The following TAFA2 variants were observed in gnomAD, a reference collection of about 807,000 sequenced individuals.
The protein encoded by TAFA2 is TAFA chemokine like family member 2, also known as chemokine-like protein TAFA-2.
In TAFA2, 7 loss-of-function variants were observed where a neutral mutation model predicts 18.8. The observed-to-expected ratio is 0.37, with a 90% CI of 0.21 to 0.70. The LOEUF is 0.70. Among genes scored for constraint, TAFA2 ranks in the 30% least tolerant of loss-of-function variants. The pLI is 0.53. For missense variants in TAFA2, 122 were observed against 158.1 expected (o/e 0.77, Z 1.23); for synonymous variants, 60 against 54.2 (o/e 1.11, Z -0.47).
At chr12:61,890,769 C>T (rs551810319) in intron 1 of TAFA2, among the ~76,000 whole-genome samples, 2 of 152,256 alleles carry the variant, frequency 1.3e-5, no homozygotes, top group East Asian at 1.9e-4. Flanking sequence ...CAGACTTCTC[C>T]CCGGGGACAG....
In TAFA2 at chr12:61,710,153, C is replaced by A; in HGVS notation, c.*253G>T. ...TCTTCACCAGCTCCTCAGACAGTGA[C>A]TTCAAATTCTTTTAACAATTTACAA... On this transcript the variant is annotated 3_prime_UTR_variant, in exon 5 of 5. Transcript: ENST00000416284. The A allele has an allele frequency of 2.2e-6, 1 of 455,910 alleles. No individual in the cohort carries two copies. The highest frequency in any genetic ancestry group is 4.1e-5 in the South Asian group (1 of 24,128). The allele number at this position is 455,910 out of a possible 1,614,324, so 28.2% of individuals were successfully genotyped here. A position where few individuals can be genotyped will look rare whatever the true frequency, so the allele number is the denominator to read the frequency against.
At chr12:61,927,056 A>C (rs1877329457) in intron 1 of TAFA2, among the ~76,000 whole-genome samples, 1 of 141,080 alleles carries the variant, frequency 7.1e-6, no homozygotes, top group Non-Finnish European at 1.5e-5. Flanking sequence ...ACCTGGTGAC[A>C]GAGTGAGACT....
chr12:62,043,836 T>C (rs1480430597), intron 1 of TAFA2, among the ~76,000 whole-genome samples: 4 of 152,144 alleles, frequency 2.6e-5, no homozygotes, highest in Non-Finnish European at 5.9e-5. Context: ...CTGGGGCATT[T>C]TATGGAGATT....
chr12:61,830,182 C>CTA (rs545538293), intron 2 of TAFA2, among the ~76,000 whole-genome samples: 19 of 149,766 alleles, frequency 1.3e-4, no homozygotes, highest in East Asian at 2.0e-4. Context: ...TGGATAAATG[C>CTA]TATATATATA....
chr12:62,104,980 A>G (rs1283132633), intron 1 of TAFA2: 2 of 200,030 alleles, frequency 1.0e-5, no homozygotes, highest in South Asian at 6.9e-5. Context: ...GGATTTACAT[A>G]CATTTCAAAG....
chr12:61,735,247 A>G (rs1017547700), intron 4 of TAFA2, among the ~76,000 whole-genome samples: 2 of 151,970 alleles, frequency 1.3e-5, no homozygotes, highest in African/African-American at 4.8e-5. Flanking sequence ...TGCATAGTGT[A>G]TATCTTTCCC....
upstream of TAFA2, among the ~76,000 whole-genome samples, chr12:62,197,232 T>C (rs550861084): frequency 8.3e-4 from 127 of 152,280 alleles, no homozygotes; most frequent in Non-Finnish European, 1.4e-3. Flanking sequence ...GCTGAAAAGG[T>C]TGGGGACTGC....
chr12:61,827,892 T>A (rs1435403022), intron 2 of TAFA2, among the ~76,000 whole-genome samples: 1 of 152,002 alleles, frequency 6.6e-6, no homozygotes, highest in Non-Finnish European at 1.5e-5. Context: ...GACTCTTTAG[T>A]CCTTGCTTGA....
intron 1 of TAFA2, among the ~76,000 whole-genome samples, chr12:62,241,676 C>T (rs2062863606): frequency 6.6e-6 from 1 of 152,138 alleles, no homozygotes; most frequent in Admixed American, 6.5e-5. Context: ...ATGTTACCTA[C>T]ATTTGGAAAT....
At chr12:61,909,313 G>A (rs576174622) in intron 1 of TAFA2, among the ~76,000 whole-genome samples, 7 of 152,284 alleles carry the variant, frequency 4.6e-5, no homozygotes, top group Admixed American at 3.9e-4. Context: ...ATAAGGTACA[G>A]ACTCTTCTCA....
At chr12:62,038,360 TTGTC>T (rs1881666696) in intron 1 of TAFA2, among the ~76,000 whole-genome samples, 1 of 152,190 alleles carries the variant, frequency 6.6e-6, no homozygotes, top group Non-Finnish European at 1.5e-5. Flanking sequence ...TCTTCCTTCT[TTGTC>T]TGCAGGCTCT....
intron 1 of TAFA2, among the ~76,000 whole-genome samples, chr12:62,000,936 T>C (rs368409649): frequency 6.6e-6 from 1 of 152,198 alleles, no homozygotes; most frequent in East Asian, 1.9e-4. Flanking sequence ...GAATAACTTC[T>C]AGAGTACTAG....
At chr12:61,777,985 G>A (rs931239031) in intron 2 of TAFA2, among the ~76,000 whole-genome samples, 2 of 151,710 alleles carry the variant, frequency 1.3e-5, no homozygotes, top group African/African-American at 4.8e-5. Flanking sequence ...CTGAGGAAAA[G>A]GGATAACTGG....
chr12:61,912,058 G>A (rs979054742), intron 1 of TAFA2, among the ~76,000 whole-genome samples: 1 of 152,192 alleles, frequency 6.6e-6, no homozygotes, highest in Non-Finnish European at 1.5e-5. Context: ...TGTGTGCTAA[G>A]CACTTTACAT....
chr12:61,917,750 C>G (rs188607672), intron 1 of TAFA2, among the ~76,000 whole-genome samples: 2 of 152,246 alleles, frequency 1.3e-5, no homozygotes, highest in Admixed American at 1.3e-4. Context: ...AAAGGTCTAC[C>G]AAAGTCACAC....
chr12:62,034,411 G>A (rs917775510), intron 1 of TAFA2, among the ~76,000 whole-genome samples: 2 of 152,120 alleles, frequency 1.3e-5, no homozygotes, highest in Non-Finnish European at 2.9e-5. Flanking sequence ...CAAACAGAAT[G>A]ACCTGTAATT....
chr12:61,866,136 A>G (rs565375523), intron 2 of TAFA2, among the ~76,000 whole-genome samples: 3 of 151,988 alleles, frequency 2.0e-5, no homozygotes, highest in African/African-American at 7.3e-5. Flanking sequence ...GAAAAAATAT[A>G]TGAATATATA....
intron 1 of TAFA2, among the ~76,000 whole-genome samples, chr12:62,145,255 G>C (rs527956398): frequency 6.6e-6 from 1 of 152,200 alleles, no homozygotes; most frequent in Non-Finnish European, 1.5e-5. Context: ...CACACAACAG[G>C]TGAGCGGTAG....
chr12:62,060,406 G>T (rs1294695974), intron 1 of TAFA2, among the ~76,000 whole-genome samples: 1 of 152,180 alleles, frequency 6.6e-6, no homozygotes, highest in African/African-American at 2.4e-5. Flanking sequence ...AGTTTGTAAT[G>T]ATGCTGTTTG....
Sources: allele counts gnomAD v4.1 joint callset (sites outside exome capture counted in the v4.1 genomes callset), GRCh38; gene constraint gnomAD v4.1.1; transcripts MANE v1.5; gene names NCBI Gene and HGNC (gene_info 2026-07-23, HGNC 2026-07-21).